The following RS1 variants were observed in gnomAD, a reference collection of about 807,000 sequenced individuals.
RS1 encodes retinoschisin 1, also known as retinoschisin.
A neutral mutation model predicts 20.8 loss-of-function variants in RS1; 2 were observed. The observed-to-expected ratio is 0.10, with a 90% CI of 0.04 to 0.30. The LOEUF is 0.30. RS1 is among the 10% of genes least tolerant of loss of function. The pLI is 1.00. For synonymous variants in RS1, 70 were observed against 75.8 expected, an observed-to-expected ratio of 0.92 and a Z score of 0.40; for missense variants, 151 against 189.8, an observed-to-expected ratio of 0.80 and a Z score of 1.20.
Position 18,641,975 on chromosome X carries a change from C to G in RS1, c.*29G>C. The G allele has an allele frequency of 8.3e-7, 1 of 1,207,886 alleles. No homozygotes were observed. Among genetic ancestry groups the G allele is most frequent in the Non-Finnish European group, 1.1e-6 (1 of 893,395 alleles). On this transcript the variant is annotated 3_prime_UTR_variant, in exon 6 of 6. Transcript: ENST00000379984. ...TACGGCCCGCTCTGTGCCAGTCACCCCCTGGCAGGCGCCGAGCTGAGGCAG... is the reference window on the plus strand; with the variant it reads ...TACGGCCCGCTCTGTGCCAGTCACCGCCTGGCAGGCGCCGAGCTGAGGCAG...
chrX:18,650,075 G>T (rs1927964845), intron 3 of RS1: 8 of 311,806 alleles, frequency 2.6e-5, no homozygotes. Context: ...CCTTATTCTT[G>T]GCACTTTGCT....
chrX:18,670,504 G>T, intron 1 of RS1, among the ~76,000 whole-genome samples: 1 of 110,992 alleles, frequency 9.0e-6, no homozygotes, highest in Non-Finnish European at 1.9e-5. Context: ...TGGGATTACA[G>T]TCATGAGCCA....
Position 18,663,538 on chromosome X carries a change from G to T in RS1, c.53-5873C>A, listed in dbSNP as rs189410388. Among the ~76,000 whole-genome samples, 673 of 108,445 alleles carry T rather than the reference G, an allele frequency of 6.2e-3. 3 individuals are homozygous for T. The highest frequency in any genetic ancestry group is 0.017 in the South Asian group (42 of 2,491). The allele number at this position is 108,445 out of a possible 115,157, so 94.2% of individuals were successfully genotyped here. A position where few individuals can be genotyped will look rare whatever the true frequency, so the allele number is the denominator to read the frequency against. Reference sequence around the variant, plus strand: ...TAAACCTATTTTTATAGAGATGGAGGTCTCACTATGTTGCCCAGGCTGGTC... The same window carrying T: ...TAAACCTATTTTTATAGAGATGGAGTTCTCACTATGTTGCCCAGGCTGGTC... On this transcript the variant is annotated intron_variant, in intron 1 of 5. Coordinates refer to ENST00000379984, the MANE Select transcript of RS1 (RefSeq NM_000330.4).
chrX:18,648,849 G>A (rs1029162653), intron 3 of RS1, among the ~76,000 whole-genome samples: 4 of 110,314 alleles, frequency 3.6e-5, no homozygotes, highest in Non-Finnish European at 7.6e-5. Context: ...CAGTGCTTTG[G>A]GAGGATCACT....
intron 3 of RS1, among the ~76,000 whole-genome samples, chrX:18,648,826 A>G (rs999725166): frequency 1.6e-4 from 18 of 110,928 alleles, no homozygotes; most frequent in African/African-American, 5.9e-4. Flanking sequence ...GCAGTGGCTC[A>G]TGCCTGTAAT....
Position 18,639,860 on chromosome X carries a change from G to A in RS1, c.*2144C>T, listed in dbSNP as rs753645965. 7.1e-5 allele frequency: 8 copies of A among 112,007 alleles called. No homozygotes were observed. In the East Asian group the frequency reaches 2.2e-3, roughly 31 times the overall value. The allele number at this position is 112,007 out of a possible 1,213,427, so 9.2% of individuals were successfully genotyped here. On this transcript the variant is annotated 3_prime_UTR_variant, in exon 6 of 6. Coordinates refer to ENST00000379984, the MANE Select transcript of RS1 (RefSeq NM_000330.4). ...GACATAGTGATACACATGTTATAACGTGGATGAACTTTAAAACACTATGCT... is the reference window on the plus strand; with the variant it reads ...GACATAGTGATACACATGTTATAACATGGATGAACTTTAAAACACTATGCT...
chrX:18,648,717 C>T (rs1927898481), intron 3 of RS1, among the ~76,000 whole-genome samples: 1 of 112,002 alleles, frequency 8.9e-6, no homozygotes, highest in Non-Finnish European at 1.9e-5. Flanking sequence ...TTGCTTGCCC[C>T]TTCTTTTTTC....
intron 4 of RS1, among the ~76,000 whole-genome samples, chrX:18,644,834 C>T (rs1244134846): frequency 8.9e-6 from 1 of 112,576 alleles, no homozygotes; most frequent in Non-Finnish European, 1.9e-5. Flanking sequence ...CCCTGCATCT[C>T]CACCTCCCAA....
chrX:18,657,072 T>G (rs188454378), intron 2 of RS1, among the ~76,000 whole-genome samples: 12 of 110,206 alleles, frequency 1.1e-4, no homozygotes, highest in Non-Finnish European at 1.9e-4. Context: ...ACTCTTCACA[T>G]CCCCTGGAAG....
chrX:18,657,437 G>C (rs1443681964), intron 2 of RS1, among the ~76,000 whole-genome samples: 1 of 109,318 alleles, frequency 9.1e-6, no homozygotes, highest in Non-Finnish European at 1.9e-5. Context: ...TGGCGAGGCT[G>C]GTCTCGAACT....
intron 1 of RS1, among the ~76,000 whole-genome samples, chrX:18,671,775 T>G (rs2147209648): frequency 8.9e-6 from 1 of 112,210 alleles, no homozygotes; most frequent in African/African-American, 3.2e-5. Flanking sequence ...TATAGATTTC[T>G]GAGACCCATC....
intron 1 of RS1, among the ~76,000 whole-genome samples, chrX:18,669,419 A>C (rs1229840235): frequency 2.0e-5 from 2 of 99,096 alleles, no homozygotes; most frequent in Non-Finnish European, 4.0e-5. Context: ...TGAACCCGGG[A>C]GATGGAGGTT....
Position 18,640,650 on chromosome X carries a change from C to T in RS1, c.*1354G>A, listed in dbSNP as rs1927540940. On this transcript the variant is annotated 3_prime_UTR_variant, in exon 6 of 6. Transcript: ENST00000379984. ...CAGAAAAGGTGAATGTGTTGTCCAGCACTGTATTAGCGCGAGTCTAGTCAC... is the reference window on the plus strand; with the variant it reads ...CAGAAAAGGTGAATGTGTTGTCCAGTACTGTATTAGCGCGAGTCTAGTCAC... The T allele has an allele frequency of 8.9e-6, 1 of 112,120 alleles. No homozygotes were observed. The highest frequency in any genetic ancestry group is 9.4e-5 in the Admixed American group (1 of 10,588). 9.2% of individuals were successfully genotyped at this position (112,120 alleles called of 1,213,427 possible).
intron 5 of RS1, 51 bp downstream of exon 5, chrX:18,644,379 G>A: frequency 8.9e-7 from 1 of 1,119,319 alleles, no homozygotes; most frequent in Non-Finnish European, 1.2e-6. Context: ...GACAGGAGGG[G>A]AAGTCCCAGA....
At chrX:18,666,594 C>T (rs777677870) in intron 1 of RS1, among the ~76,000 whole-genome samples, 5 of 111,483 alleles carry the variant, frequency 4.5e-5, no homozygotes, top group Non-Finnish European at 1.9e-5. Context: ...TCAAAGGCTC[C>T]CTCTGGTACA....
intron 3 of RS1, among the ~76,000 whole-genome samples, chrX:18,649,847 G>A (rs1469410758): frequency 2.7e-5 from 3 of 112,236 alleles, no homozygotes; most frequent in Non-Finnish European, 5.6e-5. Flanking sequence ...AAGCCCGAGC[G>A]ATCAGGGGGA....
In RS1 at chrX:18,650,612, C is replaced by T. The variant is rs181859624; in HGVS notation, c.185-3280G>A. On this transcript the variant is annotated intron_variant, in intron 3 of 5. Transcript: ENST00000379984. ...AATCCGGTAAGCAGAGACTCTAGAC[C>T]GGTGGGGCTCAGCCTGGGCTGTACC... is the stretch of plus-strand genomic sequence containing the variant. The T allele has an allele frequency of 3.5e-5, 42 of 1,206,594 alleles. No homozygotes were observed. In the South Asian group the frequency reaches 5.8e-4, roughly 17 times the overall value.
At chrX:18,667,563 A>C (rs1458443514) in intron 1 of RS1, among the ~76,000 whole-genome samples, 1 of 109,159 alleles carries the variant, frequency 9.2e-6, no homozygotes, top group African/African-American at 3.3e-5. Context: ...AAAAAAAAAA[A>C]CAGTGCCAGA....
intron 1 of RS1, among the ~76,000 whole-genome samples, chrX:18,669,440 G>A (rs900330747): frequency 1.2e-4 from 12 of 97,532 alleles, no homozygotes; most frequent in African/African-American, 4.6e-4. Flanking sequence ...GTGGTGAGCC[G>A]AGATCACGCC....
Sources: gnomAD v4.1 joint callset for allele counts (sites outside exome capture counted in the v4.1 genomes callset) on GRCh38, gnomAD v4.1.1 for gene constraint, MANE v1.5 for transcripts, NCBI Gene and HGNC (gene_info 2026-07-23, HGNC 2026-07-21) for gene names.